Variants in HDAC9 observed in about 807,000 individuals in gnomAD.
HDAC9 encodes MEF-2 interacting transcription repressor (MITR) protein.
In HDAC9, 41 loss-of-function variants were observed where a neutral mutation model predicts 139.4. The observed-to-expected ratio is 0.29, with a 90% CI of 0.23 to 0.38. HDAC9 has a LOEUF of 0.38. Among genes scored for constraint, HDAC9 ranks in the 10% least tolerant of loss-of-function variants. The pLI, the probability that HDAC9 is intolerant of heterozygous loss-of-function variation, is 1.00. For missense variants in HDAC9, 1,147 were observed against 1,297.0 expected (o/e 0.88, Z 1.78); for synonymous variants, 517 against 476.2 (o/e 1.09, Z -1.12).
intron 6 of HDAC9, among the ~76,000 whole-genome samples, chr7:18,620,279 ATAG>A (rs1395579057): frequency 1.3e-5 from 2 of 152,082 alleles, no homozygotes; most frequent in Non-Finnish European, 2.9e-5. Context: ...ATCTAATTAA[ATAG>A]TAGGTTTTAA....
At chr7:18,983,981 A>G (rs896802362) in intron 25 of HDAC9, among the ~76,000 whole-genome samples, 2 of 152,040 alleles carry the variant, frequency 1.3e-5, no homozygotes, top group African/African-American at 2.4e-5. Flanking sequence ...CAGATCAAAT[A>G]TCACTTCTTC....
intron 23 of HDAC9, among the ~76,000 whole-genome samples, chr7:18,937,936 C>T (rs1442986358): frequency 6.6e-6 from 1 of 152,190 alleles, no homozygotes; most frequent in African/African-American, 2.4e-5. Context: ...GGAGTGATCT[C>T]CCCTATGATC....
At chr7:18,333,907 AAAG>A (rs1012234041) in intron 1 of HDAC9, among the ~76,000 whole-genome samples, 22 of 151,472 alleles carry the variant, frequency 1.5e-4, no homozygotes, top group African/African-American at 4.3e-4. Context: ...AAAAATGAGT[AAAG>A]AAGTTTAAAT....
At chr7:18,394,267 T>A (rs1043186391) in intron 1 of HDAC9, among the ~76,000 whole-genome samples, 1 of 152,188 alleles carries the variant, frequency 6.6e-6, no homozygotes, top group Admixed American at 6.5e-5. Flanking sequence ...ATTCTGTAGG[T>A]GTCACATTTA....
rs78694665 is a variant in HDAC9, at chr7:18,585,758, A to G, written c.264+236A>G. 5.9e-4 allele frequency among the ~76,000 whole-genome samples: 90 copies of G among 152,240 alleles called. No individual in the cohort carries two copies. In the East Asian group the frequency reaches 0.014, roughly 24 times the overall value. On this transcript the variant is annotated intron_variant, in intron 3 of 25. Coordinates refer to ENST00000686413, the MANE Select transcript of HDAC9 (RefSeq NM_178425.4). Reference sequence around the variant, plus strand: ...TTAGCACATAGAATCAATAGCAGGGAATAGTAACTTCCTATCCTAATTTTA... The same window carrying G: ...TTAGCACATAGAATCAATAGCAGGGGATAGTAACTTCCTATCCTAATTTTA...
In HDAC9 at chr7:18,585,442, C is replaced by G. The variant is rs1198328357; in HGVS notation, c.184C>G (p.Gln62Glu). ...LIQQQQQIQK[Q>E]LLIAEFQKQH... The stretch of plus-strand genomic sequence containing the variant: ...CCAGCAGCAGCAACAAATCCAGAAG[C>G]AGCTTCTGATAGCAGAGTTTCAGAA... The change falls in exon 3 of 26, where the codon CAG becomes GAG. Residue 62 changes from glutamine to glutamate, a missense_variant. Physicochemically the swap from Gln to Glu is conservative, Grantham distance 29. Transcript: ENST00000686413. The G allele has an allele frequency of 6.2e-7, 1 of 1,613,852 alleles. No individual in the cohort carries two copies. The highest frequency in any genetic ancestry group is 8.5e-7 in the Non-Finnish European group (1 of 1,179,888).
chr7:18,115,823 T>G (rs964920596), intron 1 of HDAC9, among the ~76,000 whole-genome samples: 3 of 152,234 alleles, frequency 2.0e-5, no homozygotes, highest in Non-Finnish European at 4.4e-5. Flanking sequence ...ATCATCCCTG[T>G]TTTAAAGCTG....
At chr7:18,774,326 T>C (rs1203059291) in intron 16 of HDAC9, among the ~76,000 whole-genome samples, 1 of 152,026 alleles carries the variant, frequency 6.6e-6, no homozygotes, top group Non-Finnish European at 1.5e-5. Context: ...TTTGGTGAAT[T>C]TATTCTGTTA....
intron 23 of HDAC9, among the ~76,000 whole-genome samples, chr7:18,941,219 C>G (rs983664884): frequency 9.9e-5 from 15 of 151,232 alleles, no homozygotes; most frequent in African/African-American, 2.7e-4. Context: ...CTTCCTCACT[C>G]CCTTCAACCC....
intron 2 of HDAC9, among the ~76,000 whole-genome samples, chr7:18,581,122 C>G (rs990855001): frequency 1.3e-5 from 2 of 152,112 alleles, no homozygotes; most frequent in African/African-American, 4.8e-5. Context: ...CATCAGTGTG[C>G]TGATTGCCAT....
At chr7:18,930,296 G>T (rs1034610990) in intron 22 of HDAC9, among the ~76,000 whole-genome samples, 5 of 152,190 alleles carry the variant, frequency 3.3e-5, no homozygotes, top group African/African-American at 1.2e-4. Context: ...CTTGAGGAAG[G>T]TCTGTGCTAA....
chr7:18,217,014 T>TA (rs1461709962), intron 2 of HDAC9, among the ~76,000 whole-genome samples: 2 of 152,156 alleles, frequency 1.3e-5, no homozygotes, highest in African/African-American at 2.4e-5. Flanking sequence ...AACAGATTTT[T>TA]AAAAAATTCC....
At chr7:18,117,957 C>T (rs1156832127) in intron 1 of HDAC9, among the ~76,000 whole-genome samples, 2 of 152,162 alleles carry the variant, frequency 1.3e-5, no homozygotes, top group Non-Finnish European at 2.9e-5. Flanking sequence ...TATTATCATA[C>T]ACATTAGACA....
intron 2 of HDAC9, among the ~76,000 whole-genome samples, chr7:18,182,683 T>C (rs780209710): frequency 1.3e-5 from 2 of 152,236 alleles, no homozygotes; most frequent in Non-Finnish European, 2.9e-5. Context: ...GGGTTAGTTA[T>C]CTTGCTCTAT....
chr7:18,354,845 C>T (rs1783129678), intron 1 of HDAC9, among the ~76,000 whole-genome samples: 1 of 152,148 alleles, frequency 6.6e-6, no homozygotes, highest in Non-Finnish European at 1.5e-5. Context: ...AGACAGTCAA[C>T]ACATCGGGGC....
chr7:18,855,420 G>A (rs1179966768), intron 21 of HDAC9, among the ~76,000 whole-genome samples: 2 of 151,728 alleles, frequency 1.3e-5, no homozygotes, highest in African/African-American at 4.8e-5. Context: ...TTTTTATCCT[G>A]GCCCATGGTC....
chr7:18,866,960 AGAATC>A (rs1333482669), intron 21 of HDAC9, among the ~76,000 whole-genome samples: 1 of 152,240 alleles, frequency 6.6e-6, no homozygotes, highest in African/African-American at 2.4e-5. Flanking sequence ...GAGGAAGTTC[AGAATC>A]AGAATCAATT....
intron 6 of HDAC9, among the ~76,000 whole-genome samples, chr7:18,605,249 G>A (rs533206086): frequency 6.6e-6 from 1 of 152,168 alleles, no homozygotes; most frequent in African/African-American, 2.4e-5. Context: ...GTGATGGTAA[G>A]GCGTTGGACA....
At chr7:18,744,914 A>G (rs1214363815) in intron 13 of HDAC9, among the ~76,000 whole-genome samples, 1 of 152,176 alleles carries the variant, frequency 6.6e-6, no homozygotes, top group Admixed American at 6.5e-5. Context: ...TGGAAAACAA[A>G]CAACTGTTGT....
Sources: allele counts gnomAD v4.1 joint callset (sites outside exome capture counted in the v4.1 genomes callset), GRCh38; gene constraint gnomAD v4.1.1; transcripts MANE v1.5; gene names NCBI Gene and HGNC (gene_info 2026-07-23, HGNC 2026-07-21).